The following LRRC8D variants were observed in gnomAD, a reference collection of about 807,000 sequenced individuals.
LRRC8D encodes the protein leucine rich repeat containing 8 VRAC subunit D.
Under a neutral mutation model 55.8 loss-of-function variants are expected in LRRC8D, and 20 were observed. The observed-to-expected ratio is 0.36, with a 90% CI of 0.25 to 0.52. The LOEUF is 0.52. Among genes scored for constraint, LRRC8D ranks in the 20% least tolerant of loss-of-function variants. The probability of loss-of-function intolerance (pLI) is 0.93; values close to 1 mark genes in which losing one functional copy is unlikely to be tolerated. For missense variants in LRRC8D, 651 were observed against 1,030.8 expected, an observed-to-expected ratio of 0.63 and a Z score of 5.05; for synonymous variants, 352 against 377.0, an observed-to-expected ratio of 0.93 and a Z score of 0.77.
At chr1:89,921,475 A>AG (rs1330873917) in intron 2 of LRRC8D, among the ~76,000 whole-genome samples, 1 of 152,210 alleles carries the variant, frequency 6.6e-6, no homozygotes, top group African/African-American at 2.4e-5. Context: ...TTCTTTTAAT[A>AG]GGGGTACTAA....
chr1:89,875,366 A>G (rs972779084), intron 2 of LRRC8D, among the ~76,000 whole-genome samples: 1 of 152,226 alleles, frequency 6.6e-6, no homozygotes, highest in African/African-American at 2.4e-5. Flanking sequence ...TTTATTTTAT[A>G]GTTTTTGATC....
chr1:89,924,950 G>A (rs1663519789), intron 2 of LRRC8D, among the ~76,000 whole-genome samples: 1 of 152,134 alleles, frequency 6.6e-6, no homozygotes, highest in Non-Finnish European at 1.5e-5. Context: ...GGGTTGGAAG[G>A]CTCCCTATTA....
chr1:89,875,482 ATG>A (rs1662123141), intron 2 of LRRC8D, among the ~76,000 whole-genome samples: 1 of 152,174 alleles, frequency 6.6e-6, no homozygotes, highest in Non-Finnish European at 1.5e-5. Flanking sequence ...TCTGATAAGC[ATG>A]TGTTTCATGG....
At chr1:89,893,894 AC>A (rs1321845537) in intron 2 of LRRC8D, among the ~76,000 whole-genome samples, 1 of 152,196 alleles carries the variant, frequency 6.6e-6, no homozygotes, top group Non-Finnish European at 1.5e-5. Flanking sequence ...TTTTTGACTG[AC>A]TTGAGATTAA....
In LRRC8D at chr1:89,828,443, A is replaced by G. The variant is rs140144135; in HGVS notation, c.-148+7152A>G. Among the ~76,000 whole-genome samples the G allele has an allele frequency of 4.0e-3, 607 of 152,342 alleles. 5 individuals carry two copies. The highest frequency in any genetic ancestry group is 7.1e-3 in the Non-Finnish European group (480 of 68,020). ...ACTTTAGTGCTAAGTTTATTCAATT[A>G]TAAGAGTCTGGTTTTTTGTTTTGTT... On this transcript the variant is annotated intron_variant, in intron 1 of 2. Transcript: ENST00000337338.
chr1:89,893,011 A>G (rs935433126), intron 2 of LRRC8D, among the ~76,000 whole-genome samples: 8 of 152,260 alleles, frequency 5.3e-5, no homozygotes, highest in Non-Finnish European at 7.3e-5. Flanking sequence ...ATAAACATCT[A>G]TATGACAGGT....
At chr1:89,928,625 G>A (rs925621762) in intron 2 of LRRC8D, among the ~76,000 whole-genome samples, 7 of 152,182 alleles carry the variant, frequency 4.6e-5, no homozygotes, top group Middle Eastern at 3.4e-3. Context: ...GTCTGGGGCC[G>A]GAGCTGGTGA....
chr1:89,886,495 T>G (rs1662423067), intron 2 of LRRC8D, among the ~76,000 whole-genome samples: 1 of 152,182 alleles, frequency 6.6e-6, no homozygotes, highest in Admixed American at 6.5e-5. Flanking sequence ...AGAGGCTGCT[T>G]CTCTCTTTCT....
At chr1:89,830,543 G>C (rs1437826152) in intron 1 of LRRC8D, among the ~76,000 whole-genome samples, 1 of 152,202 alleles carries the variant, frequency 6.6e-6, no homozygotes, top group East Asian at 1.9e-4. Flanking sequence ...GCAGTAGCCT[G>C]GGGGTCTTGA....
intron 2 of LRRC8D, among the ~76,000 whole-genome samples, chr1:89,901,235 T>G (rs991862028): frequency 6.6e-6 from 1 of 152,214 alleles, no homozygotes; most frequent in African/African-American, 2.4e-5. Context: ...CTCTGATTCC[T>G]CTGCCCTGTA....
At chr1:89,843,595 T>C in intron 1 of LRRC8D, 43 bp from the exon 2 acceptor site, 2 of 692,938 alleles carry the variant, frequency 2.9e-6, no homozygotes, top group Non-Finnish European at 5.3e-6. Flanking sequence ...CTGCCGACAC[T>C]TGGATCTCTC....
chr1:89,877,995 G>A (rs1662189525), intron 2 of LRRC8D, among the ~76,000 whole-genome samples: 2 of 152,178 alleles, frequency 1.3e-5, no homozygotes, highest in Admixed American at 6.5e-5. Flanking sequence ...CTGTTTGAGA[G>A]GTGCGAGTTC....
Position 89,911,867 on chromosome 1 carries a change from C to A in LRRC8D, c.-2-21200C>A, listed in dbSNP as rs946275666. ...TTGCCTCTTTTGGCTTCTAGGCCAA[C>A]ATTCTCTTCATAGTTCTTGTCCTCT... is the stretch of plus-strand genomic sequence containing the variant. On this transcript the variant is annotated intron_variant, in intron 2 of 2. Transcript: ENST00000337338. The surrounding 1 kb of genome is among the most constrained non-coding windows in gnomAD (Gnocchi z 4.0). 6.6e-6 allele frequency among the ~76,000 whole-genome samples: 1 copy of A among 152,164 alleles called. No homozygotes were observed. The highest frequency in any genetic ancestry group is 1.5e-5 in the Non-Finnish European group (1 of 68,018).
At chr1:89,869,206 C>T (rs1661933309) in intron 2 of LRRC8D, among the ~76,000 whole-genome samples, 1 of 152,080 alleles carries the variant, frequency 6.6e-6, no homozygotes, top group African/African-American at 2.4e-5. Flanking sequence ...TGCACCCAGC[C>T]AACACTGCGT....
chr1:89,896,278 G>A (rs1277756760), intron 2 of LRRC8D, among the ~76,000 whole-genome samples: 1 of 152,168 alleles, frequency 6.6e-6, no homozygotes, highest in Non-Finnish European at 1.5e-5. Context: ...GAGGCCAGGA[G>A]GTGGGGAAGG....
chr1:89,861,615 T>C (rs1478871525), intron 2 of LRRC8D, among the ~76,000 whole-genome samples: 1 of 152,228 alleles, frequency 6.6e-6, no homozygotes, highest in East Asian at 1.9e-4. Flanking sequence ...GAGGTATTGG[T>C]CCTCTGTATC....
chr1:89,901,176 AGC>A (rs889841667), intron 2 of LRRC8D, among the ~76,000 whole-genome samples: 1 of 152,092 alleles, frequency 6.6e-6, no homozygotes, highest in Non-Finnish European at 1.5e-5. Context: ...GGGGCAGGAG[AGC>A]CTGCAGGCCT....
intron 2 of LRRC8D, among the ~76,000 whole-genome samples, chr1:89,904,279 C>T (rs1662934226): frequency 6.6e-6 from 1 of 152,202 alleles, no homozygotes; most frequent in Admixed American, 6.5e-5. Flanking sequence ...TGTAAGTGAC[C>T]ATCTGACCAC....
Position 89,935,474 on chromosome 1 carries a change from G to C in LRRC8D, c.2406G>C (p.Gln802His), listed in dbSNP as rs1183747833. The C allele has an allele frequency of 6.2e-7, 1 of 1,614,246 alleles. No individual in the cohort carries two copies. Among genetic ancestry groups the C allele is most frequent in the Admixed American group, 1.7e-5 (1 of 60,028 alleles). ...TTGGTCAGCTCTCCCAGCTCACTCA[G>C]CTGGAGCTGAAGGGGAACTGCTTGG... ...EKVGQLSQLTQLELKGNCLDR... is the reference protein window; with the variant it reads ...EKVGQLSQLTHLELKGNCLDR... The change falls in exon 3 of 3, where the codon CAG (glutamine) becomes CAC (histidine). Residue 802 changes from glutamine to histidine, a missense_variant. This residue lies in a region of LRRC8D where 338 missense variants were observed against 479.4 expected (regional missense o/e 0.71). Coordinates refer to ENST00000337338, the MANE Select transcript of LRRC8D (RefSeq NM_001134479.2).
Sources: gnomAD v4.1 joint callset for allele counts (sites outside exome capture counted in the v4.1 genomes callset) on GRCh38, gnomAD v4.1.1 for gene constraint, gnomAD v4.1.1 regional missense constraint, Gnocchi (gnomAD v3.1) non-coding constraint, MANE v1.5 for transcripts, NCBI Gene and HGNC (gene_info 2026-07-23, HGNC 2026-07-21) for gene names.